The following SAMMSON variants were observed in gnomAD, a reference collection of about 807,000 sequenced individuals.
SAMMSON encodes survival associated mitochondrial melanoma specific oncogenic non-coding RNA, also known as long intergenic non-protein coding RNA 1212.
At chr3:70,012,031 C>G (rs895367767) in intron 1 of SAMMSON, among the ~76,000 whole-genome samples, 5 of 152,188 alleles carry the variant, frequency 3.3e-5, no homozygotes, top group African/African-American at 1.2e-4. Context: ...TGTGAATGGT[C>G]TCAACCCCTT....
At chr3:70,417,521 A>G (rs1214225943) in intron 2 of SAMMSON, among the ~76,000 whole-genome samples, 2 of 152,220 alleles carry the variant, frequency 1.3e-5, no homozygotes, top group Non-Finnish European at 2.9e-5. Flanking sequence ...TCAATTAAAA[A>G]TGGAAATGTA....
chr3:70,000,135 A>G (rs1038426877), intron 1 of SAMMSON, among the ~76,000 whole-genome samples: 1 of 152,172 alleles, frequency 6.6e-6, no homozygotes, highest in Non-Finnish European at 1.5e-5. Context: ...GCAAACTAAG[A>G]GAGCACCCAG....
intron 1 of SAMMSON, among the ~76,000 whole-genome samples, chr3:70,003,152 TCA>T (rs1339274449): frequency 6.6e-6 from 1 of 152,144 alleles, no homozygotes; most frequent in Non-Finnish European, 1.5e-5. Context: ...TTGTTTTATT[TCA>T]CAGTTTCCAT....
intron 3 of SAMMSON, among the ~76,000 whole-genome samples, chr3:70,023,185 G>A (rs1466334939): frequency 6.6e-6 from 1 of 152,002 alleles, no homozygotes; most frequent in East Asian, 1.9e-4. Context: ...GGCCAGGCAC[G>A]GTGGCTCACG....
intron 4 of SAMMSON, chr3:70,172,229 A>G (rs1383065688): frequency 6.6e-6 from 1 of 151,018 alleles, no homozygotes; most frequent in Non-Finnish European, 1.5e-5. Flanking sequence ...AGTTATTGGA[A>G]CAGATTTTCC....
intron 6 of SAMMSON, among the ~76,000 whole-genome samples, chr3:70,252,244 C>T (rs1355270870): frequency 6.6e-6 from 1 of 152,136 alleles, no homozygotes; most frequent in Non-Finnish European, 1.5e-5. Flanking sequence ...CAGTGGAATT[C>T]TTATCCAATG....
At chr3:70,274,153 A>G (rs1702000341) in intron 6 of SAMMSON, among the ~76,000 whole-genome samples, 2 of 151,268 alleles carry the variant, frequency 1.3e-5, no homozygotes, top group African/African-American at 4.9e-5. Flanking sequence ...ATAATGTGAA[A>G]TTATACTCTC....
chr3:70,015,784 A>G (rs1359416770), intron 3 of SAMMSON, among the ~76,000 whole-genome samples: 3 of 152,026 alleles, frequency 2.0e-5, no homozygotes, highest in Non-Finnish European at 4.4e-5. Flanking sequence ...TCATTGTTCA[A>G]TTCCCACCTA....
At chr3:70,389,842 G>T (rs937450240) in exon 10 of SAMMSON, 1 of 152,144 alleles carries the variant, frequency 6.6e-6, no homozygotes, top group East Asian at 1.9e-4. Flanking sequence ...ATAGTAATCC[G>T]AGTGGAGCAT....
chr3:70,106,341 CT>C (rs770411041), intron 4 of SAMMSON, among the ~76,000 whole-genome samples: 767 of 137,254 alleles, frequency 5.6e-3, no homozygotes, highest in Middle Eastern at 7.8e-3. Flanking sequence ...TGAGAATCTG[CT>C]TTTTTTTTTT....
intron 4 of SAMMSON, among the ~76,000 whole-genome samples, chr3:70,211,904 T>C (rs1162543049): frequency 2.0e-5 from 3 of 151,340 alleles, no homozygotes; most frequent in Non-Finnish European, 2.9e-5. Flanking sequence ...TGTCCTTTCC[T>C]TTCCTTTGTC....
chr3:70,109,542 C>T (rs1206330443), intron 4 of SAMMSON, among the ~76,000 whole-genome samples: 1 of 152,204 alleles, frequency 6.6e-6, no homozygotes, highest in Non-Finnish European at 1.5e-5. Context: ...TGAGGTTCTG[C>T]AGTTTCATCC....
At chr3:70,237,881 A>G (rs1701625600) in intron 4 of SAMMSON, among the ~76,000 whole-genome samples, 1 of 151,904 alleles carries the variant, frequency 6.6e-6, no homozygotes, top group Non-Finnish European at 1.5e-5. Flanking sequence ...AAGCTACCAC[A>G]AAGAAAGGAG....
In SAMMSON at chr3:70,315,783, C is replaced by T. The variant is rs191828648; in HGVS notation, n.739+24540C>T. On this transcript the variant is annotated intron_variant and non_coding_transcript_variant, in intron 7 of 9. Coordinates refer to ENST00000642114, the Ensembl canonical transcript of SAMMSON. ...CCAGTCTGATGAACTCCAGGCAAGA[C>T]AGACTGGGAAACCACAGAGACCCAA... Among the ~76,000 whole-genome samples, 100 of 152,170 alleles carry T rather than the reference C, an allele frequency of 6.6e-4. 1 individual carries two copies. The East Asian group carries it at 0.013, about 20-fold the overall frequency.
Position 70,179,155 on chromosome 3 carries a change from T to G in SAMMSON, n.508-69952T>G, listed in dbSNP as rs1701031551. ...GGAAATGAAGACTTAAGAGGTTAAG[T>G]GACTCTGAGACTTAGAATGTCAAAC... On this transcript the variant is annotated intron_variant and non_coding_transcript_variant, in intron 4 of 9. Coordinates refer to ENST00000642114, the Ensembl canonical transcript of SAMMSON. Among the ~76,000 whole-genome samples, 3 of 152,328 alleles carry G rather than the reference T, an allele frequency of 2.0e-5. No homozygotes were observed. The South Asian group carries it at 6.2e-4, about 32-fold the overall frequency.
At chr3:70,044,005 A>C (rs532723461) in intron 3 of SAMMSON, among the ~76,000 whole-genome samples, 1 of 152,210 alleles carries the variant, frequency 6.6e-6, no homozygotes, top group South Asian at 2.1e-4. Flanking sequence ...TATGCAGCAA[A>C]ATATATATAA....
At chr3:70,416,465 A>G (rs1429776741) in intron 2 of SAMMSON, among the ~76,000 whole-genome samples, 2 of 152,164 alleles carry the variant, frequency 1.3e-5, no homozygotes, top group Admixed American at 1.3e-4. Context: ...AATATGCTAT[A>G]TCTTAGCAGT....
intron 9 of SAMMSON, among the ~76,000 whole-genome samples, chr3:70,361,033 C>T (rs1206676087): frequency 6.6e-6 from 1 of 152,022 alleles, no homozygotes. Context: ...CTTAACCATC[C>T]CTGTATTACA....
At chr3:70,247,837 A>C (rs966405723) in intron 4 of SAMMSON, among the ~76,000 whole-genome samples, 1 of 152,070 alleles carries the variant, frequency 6.6e-6, no homozygotes, top group Non-Finnish European at 1.5e-5. Context: ...TAAAAAAAAT[A>C]GATATAAAAA....
Sources: gnomAD v4.1 joint callset for allele counts (sites outside exome capture counted in the v4.1 genomes callset) on GRCh38, gnomAD v4.1.1 for gene constraint, MANE v1.5 for transcripts, NCBI Gene and HGNC (gene_info 2026-07-23, HGNC 2026-07-21) for gene names.